Variants in ELL observed in about 807,000 individuals in gnomAD.
ELL encodes RNA polymerase II elongation factor ELL.
ELL carries 18 observed loss-of-function variants against 64.0 expected under a neutral mutation model. The observed-to-expected ratio is 0.28, with a 90% CI of 0.19 to 0.42. The LOEUF (loss-of-function observed/expected upper bound fraction) is 0.42, where lower values mean the gene tolerates loss of function less well. Ranked by LOEUF, ELL falls within the 10% of genes least tolerant of loss-of-function variation. The pLI, the probability that ELL is intolerant of heterozygous loss-of-function variation, is 1.00. For missense variants in ELL, 797 were observed against 870.4 expected (o/e 0.92, Z 1.06); for synonymous variants, 399 against 376.2 (o/e 1.06, Z -0.70).
rs571566255 is a variant in ELL, at chr19:18,477,006, A to C, written c.136-4124T>G. On this transcript the variant is annotated intron_variant, in intron 1 of 11. Coordinates refer to ENST00000262809, the MANE Select transcript of ELL (RefSeq NM_006532.4). ...CCCTACAGACACGTGAAGCAGCAGG[A>C]AAACGAGACTCCTAAGCCAGGGGGA... Among the ~76,000 whole-genome samples the C allele has an allele frequency of 3.7e-4, 56 of 152,350 alleles. 1 individual carries two copies. Among genetic ancestry groups the C allele is most frequent in the Admixed American group, 9.8e-4 (15 of 15,298 alleles).
intron 6 of ELL, among the ~76,000 whole-genome samples, chr19:18,452,642 C>A (rs1453265353): frequency 6.6e-6 from 1 of 152,222 alleles, no homozygotes; most frequent in African/African-American, 2.4e-5. Context: ...AGGGCCATCC[C>A]CCACAGCTCT....
intron 1 of ELL, among the ~76,000 whole-genome samples, chr19:18,479,989 T>C (rs1329264308): frequency 6.6e-6 from 1 of 152,144 alleles, no homozygotes; most frequent in African/African-American, 2.4e-5. Flanking sequence ...CTCCCTGCTG[T>C]CTACTGGGCA....
chr19:18,501,804 C>T lies in ELL; in HGVS notation c.135+20117G>A, dbSNP rs1363959201. On this transcript the variant is annotated intron_variant, in intron 1 of 11. Coordinates refer to ENST00000262809, the MANE Select transcript of ELL (RefSeq NM_006532.4). The surrounding 1 kb of genome is among the most constrained non-coding windows in gnomAD (Gnocchi z 4.5). ...GGTCCATCCTTGGGGAGCATCTCCC[C>T]CACATCCTCAACCTCCAGCTACGTG... Among the ~76,000 whole-genome samples the T allele has an allele frequency of 6.6e-6, 1 of 152,238 alleles. No individual in the cohort carries two copies. The highest frequency in any genetic ancestry group is 1.5e-5 in the Non-Finnish European group (1 of 68,038).
chr19:18,466,728 C>T (rs951290439), intron 2 of ELL, among the ~76,000 whole-genome samples: 1 of 152,218 alleles, frequency 6.6e-6, no homozygotes, highest in African/African-American at 2.4e-5. Context: ...CCTTCCTAAA[C>T]TAATGCCTGG....
At chr19:18,462,976 G>A (rs529355336) in intron 4 of ELL, among the ~76,000 whole-genome samples, 3 of 152,168 alleles carry the variant, frequency 2.0e-5, no homozygotes, top group Non-Finnish European at 4.4e-5. Context: ...ACGCAGAGAC[G>A]TGGGCAGGGT....
intron 4 of ELL, among the ~76,000 whole-genome samples, chr19:18,464,259 C>A (rs1310725374): frequency 2.0e-5 from 3 of 152,130 alleles, no homozygotes; most frequent in African/African-American, 7.2e-5. Flanking sequence ...GTCCCAGCTA[C>A]TCTGGAGGCT....
intron 1 of ELL, among the ~76,000 whole-genome samples, chr19:18,497,459 T>C (rs915341344): frequency 2.0e-5 from 3 of 152,092 alleles, no homozygotes. Flanking sequence ...TCATTATACA[T>C]TTGTCTAAAC....
intron 1 of ELL, among the ~76,000 whole-genome samples, chr19:18,489,013 T>C (rs1056679072): frequency 6.6e-6 from 1 of 152,226 alleles, no homozygotes; most frequent in Non-Finnish European, 1.5e-5. Context: ...TCATCCCACC[T>C]GCAGGGGGTG....
At chr19:18,461,432 A>T (rs931325619) in intron 5 of ELL, 146 bp downstream of exon 5, 1 of 1,291,892 alleles carries the variant, frequency 7.7e-7, no homozygotes, top group East Asian at 2.5e-5. Context: ...CCTGGCTCTC[A>T]GGCAGGTTCT....
Position 18,446,444 on chromosome 19 carries a change from C to G in ELL, c.1569G>C (p.Gln523His). The change falls in exon 10 of 12, where the codon CAG becomes CAC. Residue 523 changes from glutamine to histidine, a missense_variant. Transcript: ENST00000262809. ...CGGCATTGAAGTCGTTCTTGTAGCT[C>G]TGGCGCTGCTCCGAAGAGGAGATGG... The part of the protein sequence containing the change: ...YAAISSSEQR[Q>H]SYKNDFNAEY... 1 of 1,612,940 alleles carries G rather than the reference C, an allele frequency of 6.2e-7. No homozygotes were observed. Among genetic ancestry groups the G allele is most frequent in the East Asian group, 2.2e-5 (1 of 44,868 alleles).
In ELL at chr19:18,446,353, C is replaced by T. The variant is rs1177176329; in HGVS notation, c.1660G>A (p.Asp554Asn). ...TGGGAGAGCTGCCGGAGCTGGGCGT[C>T]GAGCTGGGTGAACCGCCGCGTGATG... ...ERITRRFTQLDAQLRQLSQGS... is the reference protein window; with the variant it reads ...ERITRRFTQLNAQLRQLSQGS... Residue 554 changes from aspartate to asparagine, a missense_variant, in exon 10 of 12, where the codon GAC becomes AAC. Physicochemically the swap from Asp to Asn is conservative, Grantham distance 23. Coordinates refer to ENST00000262809, the MANE Select transcript of ELL (RefSeq NM_006532.4). The T allele has an allele frequency of 4.4e-6, 7 of 1,604,262 alleles. No homozygotes were observed. Among genetic ancestry groups the T allele is most frequent in the South Asian group, 2.2e-5 (2 of 89,530 alleles).
chr19:18,505,647 C>A (rs528820063), intron 1 of ELL, among the ~76,000 whole-genome samples: 1 of 152,232 alleles, frequency 6.6e-6, no homozygotes, highest in East Asian at 1.9e-4. Flanking sequence ...GTGACTGGCG[C>A]CTTGCAAGCC....
intron 6 of ELL, among the ~76,000 whole-genome samples, chr19:18,457,950 A>C (rs527508805): frequency 5.9e-5 from 9 of 152,268 alleles, no homozygotes; most frequent in African/African-American, 2.2e-4. Flanking sequence ...TTTTGTCTGA[A>C]GATTCCAAGG....
chr19:18,489,425 C>T (rs567373447), intron 1 of ELL, among the ~76,000 whole-genome samples: 4 of 152,328 alleles, frequency 2.6e-5, no homozygotes, highest in Non-Finnish European at 5.9e-5. Flanking sequence ...CATGTTAGCC[C>T]CTGGTTCCCC....
intron 1 of ELL, 95 bp from the exon 2 acceptor site, chr19:18,472,977 G>T: frequency 7.2e-7 from 1 of 1,381,664 alleles, no homozygotes; most frequent in Non-Finnish European, 9.7e-7. Flanking sequence ...AGAAGGAGCA[G>T]GGTGAAGATG....
At chr19:18,472,357 T>G (rs1975080353) in intron 2 of ELL, 1 of 155,488 alleles carries the variant, frequency 6.4e-6, no homozygotes, top group Non-Finnish European at 1.4e-5. Flanking sequence ...GATCAGGCAT[T>G]AGATTCTCAT....
chr19:18,512,407 G>A (rs919216459), intron 1 of ELL, among the ~76,000 whole-genome samples: 2 of 152,208 alleles, frequency 1.3e-5, no homozygotes, highest in Non-Finnish European at 2.9e-5. Flanking sequence ...GGAGGCCAAG[G>A]CGGGCAGGTC....
chr19:18,475,323 C>G (rs1463371991), intron 1 of ELL, among the ~76,000 whole-genome samples: 2 of 152,120 alleles, frequency 1.3e-5, no homozygotes, highest in East Asian at 3.9e-4. Context: ...TAGCTCTGTA[C>G]CCATCAGAGC....
chr19:18,505,318 T>C (rs1044649814), intron 1 of ELL, among the ~76,000 whole-genome samples: 3 of 152,220 alleles, frequency 2.0e-5, no homozygotes, highest in Non-Finnish European at 4.4e-5. Context: ...TTTGCTATTC[T>C]TCTCTACTCA....
Sources: allele counts gnomAD v4.1 joint callset (sites outside exome capture counted in the v4.1 genomes callset), GRCh38; gene constraint gnomAD v4.1.1; non-coding constraint Gnocchi (gnomAD v3.1); transcripts MANE v1.5; gene names NCBI Gene and HGNC (gene_info 2026-07-23, HGNC 2026-07-21).